Variants in TAOK3 observed in about 807,000 individuals in gnomAD.
The protein encoded by TAOK3 is serine/threonine-protein kinase TAO3.
In TAOK3, 40 loss-of-function variants were observed where a neutral mutation model predicts 120.4. The observed-to-expected ratio is 0.33, with a 90% CI of 0.26 to 0.43. TAOK3 has a LOEUF of 0.43. TAOK3 is among the 20% of genes least tolerant of loss of function. TAOK3 has a pLI of 1.00. For synonymous variants in TAOK3, 355 were observed against 387.5 expected (o/e 0.92, Z 0.99); for missense variants, 821 against 1,112.1 (o/e 0.74, Z 3.72).
intron 1 of TAOK3, among the ~76,000 whole-genome samples, chr12:118,318,071 A>T (rs1364377684): frequency 2.6e-5 from 4 of 152,204 alleles, no homozygotes; most frequent in Non-Finnish European, 4.4e-5. Context: ...TAGGCCAAAA[A>T]AATGAAGTTG....
intron 1 of TAOK3, among the ~76,000 whole-genome samples, chr12:118,361,545 CCTCCTGGGTTCAAGCGATT>C (rs1244548862): frequency 6.6e-6 from 1 of 150,578 alleles, no homozygotes; most frequent in Admixed American, 6.6e-5. Flanking sequence ...GCAACCTCCG[CCTCCTGGGTTCAAGCGATT>C]CTCATGCCTC....
At chr12:118,242,892 T>C (rs926350164) in intron 5 of TAOK3, among the ~76,000 whole-genome samples, 8 of 151,434 alleles carry the variant, frequency 5.3e-5, no homozygotes, top group African/African-American at 1.9e-4. Flanking sequence ...AATATATATA[T>C]ATATATGAGT....
chr12:118,346,253 G>C (rs1209767998), intron 1 of TAOK3, among the ~76,000 whole-genome samples: 1 of 152,144 alleles, frequency 6.6e-6, no homozygotes, highest in Admixed American at 6.6e-5. Flanking sequence ...TAATGAAGGA[G>C]GCTTAGCTTC....
Position 118,159,189 on chromosome 12 carries a change from C to T in TAOK3, c.2352+957G>A, listed in dbSNP as rs183807797. Among the ~76,000 whole-genome samples the T allele has an allele frequency of 2.6e-4, 39 of 152,246 alleles. No homozygotes were observed. The East Asian group carries it at 5.6e-3, about 22-fold the overall frequency. On this transcript the variant is annotated intron_variant, in intron 19 of 20. Coordinates refer to ENST00000392533, the MANE Select transcript of TAOK3 (RefSeq NM_016281.4). Reference sequence around the variant, plus strand: ...TATGTAGGTCCCAGTTTCAAGGAATCGGTTTATGTCAATGAATTCCTTAAA... The same window carrying T: ...TATGTAGGTCCCAGTTTCAAGGAATTGGTTTATGTCAATGAATTCCTTAAA...
intron 1 of TAOK3, among the ~76,000 whole-genome samples, chr12:118,314,921 TC>T (rs1411010283): frequency 6.6e-6 from 1 of 152,026 alleles, no homozygotes; most frequent in Non-Finnish European, 1.5e-5. Context: ...TGTTTCTTTT[TC>T]TTTTTCTTTT....
At chr12:118,214,549 T>C (rs1303777084) in intron 9 of TAOK3, among the ~76,000 whole-genome samples, 1 of 149,844 alleles carries the variant, frequency 6.7e-6, no homozygotes, top group Non-Finnish European at 1.5e-5. Flanking sequence ...AAACATAGAA[T>C]AAGGAAAAAA....
At chr12:118,260,134 A>AT (rs1470573562) in intron 2 of TAOK3, among the ~76,000 whole-genome samples, 1 of 151,898 alleles carries the variant, frequency 6.6e-6, no homozygotes, top group Non-Finnish European at 1.5e-5. Flanking sequence ...TATTTTATCT[A>AT]TTTTTTATTT....
rs1355322672 is a variant in TAOK3 at position 118,182,616 on chromosome 12, TATATA to T, written c.1330-1014_1330-1010del. Reference sequence around the variant, plus strand: ...GTGTGTGTGTATATATATATATATATATATATATTTTTTTTTTTTTTTAAGGATCA... The same window carrying T: ...GTGTGTGTGTATATATATATATATATTATTTTTTTTTTTTTTTAAGGATCA... On this transcript the variant is annotated intron_variant, in intron 14 of 20. Coordinates refer to ENST00000392533, the MANE Select transcript of TAOK3 (RefSeq NM_016281.4). 4.9e-3 allele frequency among the ~76,000 whole-genome samples: 439 copies of T among 89,616 alleles called. 9 individuals are homozygous for T. Among genetic ancestry groups the T allele is most frequent in the Middle Eastern group, 0.014 (2 of 140 alleles). 58.8% of individuals were successfully genotyped at this position (89,616 alleles called of 152,430 possible).
chr12:118,238,176 A>G lies in TAOK3; in HGVS notation c.341-7T>C, dbSNP rs1316983725. The G allele has an allele frequency of 6.4e-7, 1 of 1,569,248 alleles. No individual in the cohort carries two copies. The highest frequency in any genetic ancestry group is 1.1e-5 in the South Asian group (1 of 88,830). On this transcript the variant is annotated splice_region_variant and splice_polypyrimidine_tract_variant and intron_variant, in intron 6 of 20. Coordinates refer to ENST00000392533, the MANE Select transcript of TAOK3 (RefSeq NM_016281.4). ...TGAAGTGGTTTTTTATGAACTGAGG[A>G]AGGAAAAAAAAAAAAGTCAGTAGAT...
intron 11 of TAOK3, among the ~76,000 whole-genome samples, chr12:118,206,891 G>A (rs1354890942): frequency 6.6e-6 from 1 of 151,884 alleles, no homozygotes; most frequent in African/African-American, 2.4e-5. Context: ...CACTGCACCC[G>A]GCCTCCTCAT....
Position 118,152,216 on chromosome 12 carries a change from T to C in TAOK3, c.2535+11A>G. Reference sequence around the variant, plus strand: ...CCCAGTGGCACCGGACCCCTGGTAATGCTCCCTTACCTTCTGCTCAAGGTG... The same window carrying C: ...CCCAGTGGCACCGGACCCCTGGTAACGCTCCCTTACCTTCTGCTCAAGGTG... On this transcript the variant is annotated intron_variant, in intron 20 of 20. Coordinates refer to ENST00000392533, the MANE Select transcript of TAOK3 (RefSeq NM_016281.4). 6.2e-7 allele frequency: 1 copy of C among 1,605,902 alleles called. No homozygotes were observed. Among genetic ancestry groups the C allele is most frequent in the Non-Finnish European group, 8.5e-7 (1 of 1,173,236 alleles).
intron 1 of TAOK3, among the ~76,000 whole-genome samples, chr12:118,308,953 A>AAAAAAAAAG (rs1555248964): frequency 1.4e-5 from 2 of 148,116 alleles, no homozygotes; most frequent in Non-Finnish European, 3.0e-5. Flanking sequence ...AAAAAAAAAA[A>AAAAAAAAAG]AAAAAAGCCT....
intron 1 of TAOK3, among the ~76,000 whole-genome samples, chr12:118,287,347 AG>A (rs764157912): frequency 3.3e-5 from 5 of 152,204 alleles, no homozygotes; most frequent in African/African-American, 1.2e-4. Flanking sequence ...TCCACCTCCC[AG>A]GTTCAGGCAA....
intron 11 of TAOK3, among the ~76,000 whole-genome samples, chr12:118,210,550 G>A (rs2038568106): frequency 6.6e-6 from 1 of 151,902 alleles, no homozygotes; most frequent in African/African-American, 2.4e-5. Flanking sequence ...ATGATTTACT[G>A]ATCAATGAAG....
Position 118,172,502 on chromosome 12 carries a change from T to C in TAOK3, c.1854A>G (p.Lys618=). 1 of 1,614,168 alleles carries C rather than the reference T, an allele frequency of 6.2e-7. No homozygotes were observed. Among genetic ancestry groups the C allele is most frequent in the Non-Finnish European group, 8.5e-7 (1 of 1,180,016 alleles). The part of the protein sequence containing the change: ...YDKNCRFFKR[K]IMIKRHEVEQ... Reference sequence around the variant, plus strand: ...CCACCTCGTGCCGCTTGATCATTATTTTCCGCTTGAAGAAACGACAATTTT... The same window carrying C: ...CCACCTCGTGCCGCTTGATCATTATCTTCCGCTTGAAGAAACGACAATTTT... Residue 618 remains lysine (K), a synonymous_variant, in exon 17 of 21, where the codon AAA becomes AAG. Transcript: ENST00000392533.
At chr12:118,176,316 G>A (rs1398164219) in intron 16 of TAOK3, among the ~76,000 whole-genome samples, 2 of 152,112 alleles carry the variant, frequency 1.3e-5, no homozygotes, top group East Asian at 3.9e-4. Context: ...GACCATGGTG[G>A]CTGGTGCAGC....
At chr12:118,232,032 T>C (rs2039807480) in intron 9 of TAOK3, among the ~76,000 whole-genome samples, 1 of 152,378 alleles carries the variant, frequency 6.6e-6, no homozygotes, top group South Asian at 2.1e-4. Flanking sequence ...AAGGCAGTAT[T>C]ATGCTGTAGC....
In TAOK3 at chr12:118,255,614, T is replaced by C. The variant is rs764217678; in HGVS notation, c.-47A>G. The stretch of plus-strand genomic sequence containing the variant: ...TGCTTTTTGATATCAGTTAGCTTTA[T>C]TTCTCATTGACAATTTTTTTTGGGG... On this transcript the variant is annotated 5_prime_UTR_variant, in exon 3 of 21. Transcript: ENST00000392533. 4 of 1,547,342 alleles carry C rather than the reference T, an allele frequency of 2.6e-6. No individual in the cohort carries two copies. The highest frequency in any genetic ancestry group is 1.4e-5 in the African/African-American group (1 of 72,154).
chr12:118,213,846 T>C (rs999021299), intron 10 of TAOK3, among the ~76,000 whole-genome samples, 171 bp downstream of exon 10: 5 of 152,188 alleles, frequency 3.3e-5, no homozygotes, highest in African/African-American at 1.2e-4. Flanking sequence ...AATCTATGCA[T>C]GTGTGCATGT....
Sources: gnomAD v4.1 joint callset for allele counts (sites outside exome capture counted in the v4.1 genomes callset) on GRCh38, gnomAD v4.1.1 for gene constraint, MANE v1.5 for transcripts, NCBI Gene and HGNC (gene_info 2026-07-23, HGNC 2026-07-21) for gene names.